Variants in TULP4 observed in about 807,000 individuals in gnomAD.
TULP4 encodes TUB like protein 4, also known as tubby-related protein 4.
A neutral mutation model predicts 129.0 loss-of-function variants in TULP4; 16 were observed. The observed-to-expected ratio is 0.12, with a 90% CI of 0.08 to 0.19. The LOEUF (loss-of-function observed/expected upper bound fraction) is 0.19. Among genes scored for constraint, TULP4 ranks in the 10% least tolerant of loss-of-function variants. The pLI is 1.00. For synonymous variants in TULP4, 998 were observed against 854.0 expected, an observed-to-expected ratio of 1.17 and a Z score of -2.94; for missense variants, 1,842 against 2,059.1, an observed-to-expected ratio of 0.89 and a Z score of 2.04.
At chr6:158,309,827 G>A (rs569982922), upstream of TULP4, among the ~76,000 whole-genome samples, 28 of 149,376 alleles carry the variant, frequency 1.9e-4, 1 homozygote, top group South Asian at 1.5e-3. Context: ...GCAGTGAGCC[G>A]AGATGGCAGA....
At chr6:158,356,716 G>A (rs757377888) in intron 1 of TULP4, among the ~76,000 whole-genome samples, 13 of 152,156 alleles carry the variant, frequency 8.5e-5, no homozygotes, top group African/African-American at 2.2e-4. Context: ...GGTAATTGAC[G>A]GGGAGGGGCT....
In TULP4 at chr6:158,492,137, T is replaced by C. The variant is rs188889878; in HGVS notation, c.1632-1436T>C. Among the ~76,000 whole-genome samples the C allele has an allele frequency of 3.9e-3, 598 of 152,332 alleles. 6 individuals carry two copies. The highest frequency in any genetic ancestry group is 0.014 in the African/African-American group (565 of 41,584). ...CCTCCCTAAGTGCTGGGCTTACAGGTGTGAGCCACCGCACCCAGCCAAGAG... is the reference window on the plus strand; with the variant it reads ...CCTCCCTAAGTGCTGGGCTTACAGGCGTGAGCCACCGCACCCAGCCAAGAG... On this transcript the variant is annotated intron_variant, in intron 9 of 13. Transcript: ENST00000367097.
At position 158,503,965 on chromosome 6, in the gene TULP4, C is replaced by T; in HGVS notation, c.4302C>T (p.Arg1434=). The change falls in exon 13 of 14, where the codon CGC becomes CGT. Residue 1434 remains arginine, a synonymous_variant. Transcript: ENST00000367097. The surrounding 1 kb of genome is among the most constrained non-coding windows in gnomAD (Gnocchi z 4.3). ...QGSRKGWKSK[R]SPRAAGELEE... Reference sequence around the variant, plus strand: ...GCAGAAAGGGCTGGAAAAGCAAGCGCTCCCCACGGGCCGCCGGCGAGCTGG... The same window carrying T: ...GCAGAAAGGGCTGGAAAAGCAAGCGTTCCCCACGGGCCGCCGGCGAGCTGG... 2 of 1,613,430 alleles carry T rather than the reference C, an allele frequency of 1.2e-6. No homozygotes were observed. The highest frequency in any genetic ancestry group is 4.5e-5 in the East Asian group (2 of 44,872).
intron 1 of TULP4, among the ~76,000 whole-genome samples, chr6:158,378,594 G>A (rs1227351319): frequency 6.6e-6 from 1 of 150,616 alleles, no homozygotes; most frequent in African/African-American, 2.5e-5. Context: ...AGGTTCAAGC[G>A]ATTCTCCAGC....
chr6:158,488,711 C>G (rs1172846888), intron 8 of TULP4, among the ~76,000 whole-genome samples: 1 of 151,896 alleles, frequency 6.6e-6, no homozygotes, highest in Non-Finnish European at 1.5e-5. Flanking sequence ...GCACTTGGAG[C>G]CTTGAGGCAA....
At chr6:158,336,016 C>T (rs1257233471) in intron 1 of TULP4, among the ~76,000 whole-genome samples, 1 of 152,204 alleles carries the variant, frequency 6.6e-6, no homozygotes, top group African/African-American at 2.4e-5. Flanking sequence ...TATTGCCAAA[C>T]TTCTTTCCAT....
intron 1 of TULP4, among the ~76,000 whole-genome samples, chr6:158,377,877 CTGTT>C (rs574126429): frequency 9.8e-4 from 149 of 152,204 alleles, no homozygotes; most frequent in African/African-American, 3.4e-3. Flanking sequence ...CTTAAAACAA[CTGTT>C]TATTTAGCTC....
intron 1 of TULP4, among the ~76,000 whole-genome samples, chr6:158,294,342 G>A (rs1423242595): frequency 3.4e-5 from 5 of 148,972 alleles, no homozygotes; most frequent in East Asian, 2.0e-4. Flanking sequence ...CAGCCTGGGC[G>A]ACAGAGCAAG....
chr6:158,399,440 G>T (rs1039357548), intron 1 of TULP4, among the ~76,000 whole-genome samples: 4 of 152,162 alleles, frequency 2.6e-5, no homozygotes, highest in African/African-American at 9.7e-5. Context: ...TCACATGCAG[G>T]TCCTGATTCA....
At chr6:158,465,952 G>A (rs568146838) in intron 6 of TULP4, among the ~76,000 whole-genome samples, 5 of 152,166 alleles carry the variant, frequency 3.3e-5, no homozygotes, top group African/African-American at 9.7e-5. Context: ...AAGTTAAAAC[G>A]TTCGGAAGCT....
chr6:158,422,221 G>C (rs341143), intron 2 of TULP4, among the ~76,000 whole-genome samples: 1 of 151,954 alleles, frequency 6.6e-6, no homozygotes, highest in East Asian at 1.9e-4. Context: ...AAAATAGACA[G>C]ATGTCTTGCA....
chr6:158,462,872 C>CCTAAATA (rs1779469612), intron 6 of TULP4, among the ~76,000 whole-genome samples: 2 of 151,566 alleles, frequency 1.3e-5, no homozygotes, highest in Admixed American at 1.3e-4. Flanking sequence ...GCCTCAGCCT[C>CCTAAATA]CTAAATAGCT....
intron 3 of TULP4, among the ~76,000 whole-genome samples, chr6:158,436,546 C>T (rs1778758037): frequency 6.6e-6 from 1 of 152,154 alleles, no homozygotes; most frequent in African/African-American, 2.4e-5. Flanking sequence ...ATAGAAATTG[C>T]CCTTGTTTAG....
chr6:158,257,861 C>A (rs914892381), intron 1 of TULP4, among the ~76,000 whole-genome samples: 5 of 152,148 alleles, frequency 3.3e-5, no homozygotes, highest in African/African-American at 1.2e-4. Context: ...GGTAGGTTGG[C>A]TGGAGGAGTT....
At chr6:158,234,830 C>T (rs946683650) in intron 1 of TULP4, among the ~76,000 whole-genome samples, 1 of 152,126 alleles carries the variant, frequency 6.6e-6, no homozygotes, top group African/African-American at 2.4e-5. Context: ...TTGTAACATA[C>T]TAAACATACT....
intron 1 of TULP4, among the ~76,000 whole-genome samples, chr6:158,349,027 A>G (rs376807292): frequency 0.022 from 190 of 8,554 alleles, no homozygotes; most frequent in East Asian, 0.025. Flanking sequence ...CAGACGGGGC[A>G]GCCGGGCAGA....
intron 1 of TULP4, among the ~76,000 whole-genome samples, chr6:158,324,685 A>G (rs962804751): frequency 1.3e-5 from 2 of 152,148 alleles, no homozygotes; most frequent in Admixed American, 1.3e-4. Context: ...TGCTATGTCC[A>G]TTATTTAGTG....
chr6:158,498,613 C>T, intron 11 of TULP4, 56 bp from the exon 12 acceptor site: 1 of 1,607,332 alleles, frequency 6.2e-7, no homozygotes. Context: ...TCTCTTGACA[C>T]TTTGGCTCTG....
Position 158,508,891 on chromosome 6 carries a change from T to G in TULP4, c.*2197T>G, listed in dbSNP as rs1050117743. 1.0e-3 allele frequency: 140 copies of G among 137,730 alleles called. 1 individual carries two copies. The highest frequency in any genetic ancestry group is 3.6e-3 in the African/African-American group (131 of 36,350). 8.5% of individuals were successfully genotyped at this position (137,730 alleles called of 1,614,324 possible). A position where few individuals can be genotyped will look rare whatever the true frequency, so the allele number is the denominator to read the frequency against. ...ATATGATAGAAGGTTTTTTTTTTTT[T>G]TTTTTTTTTTTTTTGAGACGGAGTC... On this transcript the variant is annotated 3_prime_UTR_variant, in exon 14 of 14. Coordinates refer to ENST00000367097, the MANE Select transcript of TULP4 (RefSeq NM_020245.5).
Sources: gnomAD v4.1 joint callset for allele counts (sites outside exome capture counted in the v4.1 genomes callset) on GRCh38, gnomAD v4.1.1 for gene constraint, Gnocchi (gnomAD v3.1) non-coding constraint, MANE v1.5 for transcripts, NCBI Gene and HGNC (gene_info 2026-07-23, HGNC 2026-07-21) for gene names.